GRID2: variants seen among roughly 807,000 people sequenced by gnomAD.
GRID2 encodes the protein glutamate ionotropic receptor delta type subunit 2, also known as glutamate receptor ionotropic, delta-2.
GRID2 carries 33 observed loss-of-function variants against 114.8 expected under a neutral mutation model. That is an observed-to-expected ratio of 0.29 (90% CI 0.22 to 0.38). The LOEUF is 0.38. Among genes scored for constraint, GRID2 ranks in the 10% least tolerant of loss-of-function variants. The pLI is 1.00. For synonymous variants in GRID2, 505 were observed against 449.9 expected (o/e 1.12, Z -1.55); for missense variants, 1,184 against 1,257.7 (o/e 0.94, Z 0.89).
chr4:92,744,113 G>A (rs1327199499), intron 2 of GRID2, among the ~76,000 whole-genome samples: 1 of 152,054 alleles, frequency 6.6e-6, no homozygotes, highest in African/African-American at 2.4e-5. Context: ...TATTTTAAAT[G>A]CATGTTTACC....
intron 1 of GRID2, among the ~76,000 whole-genome samples, chr4:92,466,433 A>T (rs1721755395): frequency 6.6e-6 from 1 of 151,736 alleles, no homozygotes; most frequent in Admixed American, 6.6e-5. Context: ...TACGTCCATG[A>T]CTTCAATTGT....
intron 2 of GRID2, among the ~76,000 whole-genome samples, chr4:92,900,813 G>A (rs1411669875): frequency 7.3e-6 from 1 of 137,930 alleles, no homozygotes; most frequent in Non-Finnish European, 1.5e-5. Context: ...CAGCCTGGGC[G>A]ACAGAGTGAG....
At chr4:92,528,564 C>T in intron 1 of GRID2, among the ~76,000 whole-genome samples, 1 of 151,838 alleles carries the variant, frequency 6.6e-6, no homozygotes, top group East Asian at 1.9e-4. Flanking sequence ...GCATTTAGAA[C>T]ATATGCTATG....
intron 1 of GRID2, among the ~76,000 whole-genome samples, chr4:92,565,445 A>G (rs1727290447): frequency 6.6e-6 from 1 of 152,022 alleles, no homozygotes; most frequent in Admixed American, 6.6e-5. Context: ...AGATCAAACT[A>G]TTATATCCCA....
At chr4:92,649,725 G>T (rs1731830398) in intron 2 of GRID2, among the ~76,000 whole-genome samples, 2 of 151,812 alleles carry the variant, frequency 1.3e-5, no homozygotes, top group Admixed American at 6.6e-5. Context: ...CAACTATCCT[G>T]CCTGCAACCA....
chr4:93,431,463 A>G (rs1174919987), intron 10 of GRID2, among the ~76,000 whole-genome samples: 2 of 152,212 alleles, frequency 1.3e-5, no homozygotes, highest in Admixed American at 1.3e-4. Flanking sequence ...AAAATAAGCT[A>G]TGACTAGCAA....
At chr4:92,726,836 C>G (rs1238913037) in intron 2 of GRID2, among the ~76,000 whole-genome samples, 2 of 151,964 alleles carry the variant, frequency 1.3e-5, no homozygotes, top group African/African-American at 4.8e-5. Flanking sequence ...TCTAGAATCA[C>G]TGAGTATTGA....
chr4:92,470,985 A>G (rs561093526), intron 1 of GRID2, among the ~76,000 whole-genome samples: 2 of 146,620 alleles, frequency 1.4e-5, no homozygotes, highest in South Asian at 4.3e-4. Context: ...GTACAACTTT[A>G]AGTAGGTTGT....
intron 2 of GRID2, among the ~76,000 whole-genome samples, chr4:92,913,904 A>T (rs1000133043): frequency 6.6e-6 from 1 of 152,070 alleles, no homozygotes; most frequent in Non-Finnish European, 1.5e-5. Context: ...TTAGAAGTGG[A>T]TAGTACGTTC....
At chr4:93,010,890 G>A (rs1004185551) in intron 2 of GRID2, among the ~76,000 whole-genome samples, 1 of 151,758 alleles carries the variant, frequency 6.6e-6, no homozygotes, top group Non-Finnish European at 1.5e-5. Flanking sequence ...TTCTTCAATG[G>A]CACTTATATG....
At chr4:93,357,977 A>T (rs959326868) in intron 8 of GRID2, among the ~76,000 whole-genome samples, 1 of 151,796 alleles carries the variant, frequency 6.6e-6, no homozygotes, top group Non-Finnish European at 1.5e-5. Context: ...TAAATCCAAT[A>T]TATTTTTCTT....
intron 2 of GRID2, among the ~76,000 whole-genome samples, chr4:92,895,019 T>C (rs763654921): frequency 6.6e-6 from 1 of 152,060 alleles, no homozygotes; most frequent in African/African-American, 2.4e-5. Context: ...ATATATGTTA[T>C]GTTAAACCTG....
chr4:92,556,398 G>A (rs1726851253), intron 1 of GRID2, among the ~76,000 whole-genome samples: 1 of 151,988 alleles, frequency 6.6e-6, no homozygotes, highest in South Asian at 2.1e-4. Flanking sequence ...CATTATCCTA[G>A]TTAATTCAAA....
At chr4:93,631,816 G>C (rs531673668) in intron 14 of GRID2, among the ~76,000 whole-genome samples, 15 of 152,304 alleles carry the variant, frequency 9.8e-5, no homozygotes, top group Non-Finnish European at 1.9e-4. Context: ...GATTGTACTA[G>C]TTTACAGTCC....
At chr4:93,322,563 G>C (rs570643522) in intron 8 of GRID2, among the ~76,000 whole-genome samples, 19 of 152,284 alleles carry the variant, frequency 1.2e-4, no homozygotes, top group African/African-American at 4.1e-4. Context: ...TATATACCCA[G>C]TAATGGGATG....
At chr4:92,349,467 ATTAAT>A (rs1727952970) in intron 1 of GRID2, among the ~76,000 whole-genome samples, 1 of 151,862 alleles carries the variant, frequency 6.6e-6, no homozygotes, top group African/African-American at 2.4e-5. Context: ...GCAAGGGGAA[ATTAAT>A]TAAACTAATA....
intron 4 of GRID2, among the ~76,000 whole-genome samples, chr4:93,194,377 AAGG>A (rs1282110022): frequency 6.6e-6 from 1 of 152,202 alleles, no homozygotes; most frequent in Non-Finnish European, 1.5e-5. Flanking sequence ...AGTGTGTTTT[AAGG>A]AGTTTTTTTC....
chr4:93,548,118 G>T (rs924504465), intron 13 of GRID2, among the ~76,000 whole-genome samples: 12 of 151,878 alleles, frequency 7.9e-5, no homozygotes, highest in African/African-American at 2.9e-4. Flanking sequence ...CGGAGGTTGC[G>T]GTGAGCCGAG....
chr4:92,915,086 A>G (rs188278258), intron 2 of GRID2, among the ~76,000 whole-genome samples: 2 of 152,222 alleles, frequency 1.3e-5, no homozygotes, highest in Admixed American at 6.5e-5. Flanking sequence ...ACCTCTTCGC[A>G]AGGTGGCAGG....
Sources: gnomAD v4.1 joint callset for allele counts (sites outside exome capture counted in the v4.1 genomes callset) on GRCh38, gnomAD v4.1.1 for gene constraint, MANE v1.5 for transcripts, NCBI Gene and HGNC (gene_info 2026-07-23, HGNC 2026-07-21) for gene names.